PITPNM3: variants seen among roughly 807,000 people sequenced by gnomAD.
PITPNM3 encodes the protein membrane-associated phosphatidylinositol transfer protein 3.
A neutral mutation model predicts 102.0 loss-of-function variants in PITPNM3; 26 were observed. The observed-to-expected ratio is 0.25, with a 90% CI of 0.19 to 0.35. PITPNM3 has a LOEUF of 0.35. Among genes scored for constraint, PITPNM3 ranks in the 10% least tolerant of loss-of-function variants. The probability of loss-of-function intolerance (pLI) is 1.00; values close to 1 mark genes in which losing one functional copy is unlikely to be tolerated. For missense variants in PITPNM3, 1,083 were observed against 1,346.1 expected (o/e 0.80, Z 3.06); for synonymous variants, 578 against 558.6 (o/e 1.03, Z -0.49).
Position 6,477,968 on chromosome 17 carries a change from G to A in PITPNM3, c.900+7C>T, listed in dbSNP as rs753587524. The A allele has an allele frequency of 1.2e-6, 2 of 1,612,156 alleles. No homozygotes were observed. Among genetic ancestry groups the A allele is most frequent in the Non-Finnish European group, 8.5e-7 (1 of 1,179,992 alleles). ...ACCCCTCCCGCGGTCCTGTCCCCCG[G>A]CTGTACCTGGGTGCTGCTGATGCTC... is the stretch of plus-strand genomic sequence containing the variant. On this transcript the variant is annotated splice_region_variant and intron_variant, in intron 8 of 19. Coordinates refer to ENST00000262483, the MANE Select transcript of PITPNM3 (RefSeq NM_031220.4).
At position 6,550,679 on chromosome 17, in the gene PITPNM3, C is replaced by T. The variant is rs140342989; in HGVS notation, c.22+5706G>A. 3.6e-3 allele frequency among the ~76,000 whole-genome samples: 555 copies of T among 152,332 alleles called. 2 individuals are homozygous for T. The highest frequency in any genetic ancestry group is 6.3e-3 in the Admixed American group (97 of 15,300). ...ACATATGAAGATGTATGTGAGAAAACATCACAGCTTCTGGCCAATCTGACC... is the reference window on the plus strand; with the variant it reads ...ACATATGAAGATGTATGTGAGAAAATATCACAGCTTCTGGCCAATCTGACC... On this transcript the variant is annotated intron_variant, in intron 1 of 19. Transcript: ENST00000262483.
chr17:6,529,689 A>T (rs1482411691), intron 2 of PITPNM3, among the ~76,000 whole-genome samples: 1 of 152,160 alleles, frequency 6.6e-6, no homozygotes, highest in Non-Finnish European at 1.5e-5. Flanking sequence ...TGGCCCATCC[A>T]GTACCACTCA....
At chr17:6,553,759 G>A (rs1322180766) in intron 1 of PITPNM3, among the ~76,000 whole-genome samples, 4 of 149,720 alleles carry the variant, frequency 2.7e-5, no homozygotes, top group Non-Finnish European at 5.9e-5. Context: ...GCCCCACCCC[G>A]CCAGAGTGAA....
At chr17:6,516,457 G>A (rs952625947) in intron 3 of PITPNM3, among the ~76,000 whole-genome samples, 6 of 151,374 alleles carry the variant, frequency 4.0e-5, no homozygotes, top group African/African-American at 7.3e-5. Context: ...CCAGCTACTC[G>A]GGAGGCTGAG....
chr17:6,510,105 T>C (rs1331651265), intron 3 of PITPNM3, among the ~76,000 whole-genome samples: 1 of 152,210 alleles, frequency 6.6e-6, no homozygotes, highest in Non-Finnish European at 1.5e-5. Context: ...TTCATCCGTA[T>C]GGTATGTTAC....
chr17:6,505,198 A>ATATATATATATATATGTG (rs1567679814), intron 3 of PITPNM3, among the ~76,000 whole-genome samples: 4 of 145,848 alleles, frequency 2.7e-5, no homozygotes, highest in Admixed American at 2.0e-4. Context: ...CAAATAAAAT[A>ATATATATATATATATGTG]TATATATATA....
chr17:6,493,110 T>A (rs1159182762), intron 4 of PITPNM3, among the ~76,000 whole-genome samples: 1 of 152,194 alleles, frequency 6.6e-6, no homozygotes, highest in Non-Finnish European at 1.5e-5. Context: ...ACCTAGGTCA[T>A]GTGCCCAAGA....
rs1327152591 is a variant in PITPNM3 at position 6,503,662 on chromosome 17, TG to T, written c.227-89del. 9.8e-6 allele frequency: 13 copies of T among 1,323,636 alleles called. No homozygotes were observed. The South Asian group carries it at 1.6e-4, about 16-fold the overall frequency. The allele number at this position is 1,323,636 out of a possible 1,614,324, so 82.0% of individuals were successfully genotyped here. A position where few individuals can be genotyped will look rare whatever the true frequency, so the allele number is the denominator to read the frequency against. On this transcript the variant is annotated intron_variant, in intron 3 of 19. Coordinates refer to ENST00000262483, the MANE Select transcript of PITPNM3 (RefSeq NM_031220.4). The stretch of plus-strand genomic sequence containing the variant: ...CAGGGAGGCTGCTTGGAGCTGCCTC[TG>T]ACCCTCACTCTAGAGCTTGGGATGG...
chr17:6,486,104 C>A (rs1482355195), intron 4 of PITPNM3, among the ~76,000 whole-genome samples: 1 of 152,160 alleles, frequency 6.6e-6, no homozygotes, highest in Admixed American at 6.5e-5. Context: ...CACCCCTGAG[C>A]CCCCACCCAA....
At chr17:6,466,833 G>A (rs1312361132) in intron 14 of PITPNM3, among the ~76,000 whole-genome samples, 7 of 151,958 alleles carry the variant, frequency 4.6e-5, no homozygotes, top group East Asian at 1.9e-4. Context: ...CATAGTAGCC[G>A]AAAGGTGAAA....
chr17:6,554,095 G>A (rs1413913867), intron 1 of PITPNM3, among the ~76,000 whole-genome samples: 1 of 152,052 alleles, frequency 6.6e-6, no homozygotes, highest in Non-Finnish European at 1.5e-5. Flanking sequence ...GAGGCAGGCA[G>A]ATCATTTGAG....
In PITPNM3 at chr17:6,472,937, C is replaced by T; in HGVS notation, c.1259-110G>A. 7.8e-7 allele frequency: 1 copy of T among 1,278,150 alleles called. No individual in the cohort carries two copies. The highest frequency in any genetic ancestry group is 1.1e-6 in the Non-Finnish European group (1 of 904,412). The allele number at this position is 1,278,150 out of a possible 1,614,324, so 79.2% of individuals were successfully genotyped here. A position where few individuals can be genotyped will look rare whatever the true frequency, so the allele number is the denominator to read the frequency against. Reference sequence around the variant, plus strand: ...AGTAGCCTACTCCCCTCTCAAGAGCCTCCCCGGGCTCCCTGCTCCCCACGG... The same window carrying T: ...AGTAGCCTACTCCCCTCTCAAGAGCTTCCCCGGGCTCCCTGCTCCCCACGG... On this transcript the variant is annotated intron_variant, in intron 10 of 19. Coordinates refer to ENST00000262483, the MANE Select transcript of PITPNM3 (RefSeq NM_031220.4). The surrounding 1 kb of genome is among the most constrained non-coding windows in gnomAD (Gnocchi z 4.1).
At position 6,457,437 on chromosome 17, in the gene PITPNM3, G is replaced by A. The variant is rs540337901; in HGVS notation, c.2619+157C>T. Among the ~76,000 whole-genome samples, 4 of 152,342 alleles carry A rather than the reference G, an allele frequency of 2.6e-5. No individual in the cohort carries two copies. Among genetic ancestry groups the A allele is most frequent in the Admixed American group, 2.6e-4 (4 of 15,310 alleles). ...TCCCCCTGCACCCAACACAGGCCCT[G>A]GCCCAAGGCAGGCACCCCGAAGTGT... On this transcript the variant is annotated intron_variant, in intron 19 of 19. Coordinates refer to ENST00000262483, the MANE Select transcript of PITPNM3 (RefSeq NM_031220.4). The surrounding 1 kb of genome is among the most constrained non-coding windows in gnomAD (Gnocchi z 4.7).
At chr17:6,463,417 G>GGGAGGGAGACAGGGAGGGAA (rs1555550935) in intron 17 of PITPNM3, among the ~76,000 whole-genome samples, 1 of 58,722 alleles carries the variant, frequency 1.7e-5, no homozygotes, top group Non-Finnish European at 4.0e-5. Context: ...CACGAGTGCA[G>GGGAGGGAGACAGGGAGGGAA]GGAGGGAGGC....
At chr17:6,461,664 T>C (rs1272205896) in intron 17 of PITPNM3, 108 bp from the exon 18 acceptor site, 13 of 1,303,306 alleles carry the variant, frequency 1.0e-5, no homozygotes, top group East Asian at 2.3e-5. Context: ...GAGGGACGAG[T>C]CTGAGGCGTG....
rs765627612 is a variant in PITPNM3, at chr17:6,478,332, G to A, written c.777+215C>T. ...TCTCAGGGGTCAGACTTGGGCTAGA[G>A]AGCAGCATGGGCTCAGAATCAGAAC... On this transcript the variant is annotated intron_variant, in intron 7 of 19. Transcript: ENST00000262483. This position sits in a 1 kb window ranked among gnomAD's most constrained non-coding sequence, Gnocchi z 4.4. 1.1e-4 allele frequency among the ~76,000 whole-genome samples: 17 copies of A among 152,272 alleles called. No individual in the cohort carries two copies. The highest frequency in any genetic ancestry group is 2.2e-4 in the Non-Finnish European group (15 of 68,052).
chr17:6,499,587 T>C (rs28731299), intron 4 of PITPNM3, among the ~76,000 whole-genome samples: 5,134 of 152,256 alleles, frequency 0.034, 308 homozygotes, highest in African/African-American at 0.12. Context: ...ATCCGTCCAG[T>C]AACAAGTGAC....
At position 6,556,363 on chromosome 17, in the gene PITPNM3, C is replaced by T; in HGVS notation, c.22+22G>A. ...GTCCCTCCCCCGGGCCCCGGCCCTG[C>T]CCTCCCCGCGCCCGCCCTCACCTGC... On this transcript the variant is annotated intron_variant, in intron 1 of 19. Transcript: ENST00000262483. The surrounding 1 kb of genome is among the most constrained non-coding windows in gnomAD (Gnocchi z 5.2). The T allele has an allele frequency of 3.7e-6, 5 of 1,358,912 alleles. No individual in the cohort carries two copies. The South Asian group carries it at 7.5e-5, about 20-fold the overall frequency. 84.2% of individuals were successfully genotyped at this position (1,358,912 alleles called of 1,614,324 possible). A position where few individuals can be genotyped will look rare whatever the true frequency, so the allele number is the denominator to read the frequency against.
intron 4 of PITPNM3, among the ~76,000 whole-genome samples, chr17:6,494,399 C>T (rs1906677338): frequency 1.3e-5 from 2 of 152,212 alleles, no homozygotes; most frequent in African/African-American, 4.8e-5. Flanking sequence ...GCCTGACCCC[C>T]TAATGATCCC....
Sources: gnomAD v4.1 joint callset for allele counts (sites outside exome capture counted in the v4.1 genomes callset) on GRCh38, gnomAD v4.1.1 for gene constraint, Gnocchi (gnomAD v3.1) non-coding constraint, MANE v1.5 for transcripts, NCBI Gene and HGNC (gene_info 2026-07-23, HGNC 2026-07-21) for gene names.